MAF: variants seen among roughly 807,000 people sequenced by gnomAD.
MAF encodes transcription factor Maf.
MAF carries 10 observed loss-of-function variants against 22.0 expected under a neutral mutation model. The observed-to-expected ratio is 0.45, with a 90% CI of 0.28 to 0.77. MAF has a LOEUF of 0.77. Among genes scored for constraint, MAF ranks in the 30% least tolerant of loss-of-function variants. The pLI is 0.12. For synonymous variants in MAF, 337 were observed against 255.8 expected (o/e 1.32, Z -3.03); for missense variants, 544 against 548.4 (o/e 0.99, Z 0.08).
the MAF span, among the ~76,000 whole-genome samples, chr16:79,512,429 G>A: frequency 4.4e-3 from 674 of 152,208 alleles, 7 homozygotes; most frequent in African/African-American, 0.015. Flanking sequence ...CTAGGCCAGC[G>A]GTGCAGTGGG....
chr16:79,587,270 T>C (rs1462493456), intron 1 of MAF, among the ~76,000 whole-genome samples: 2 of 152,192 alleles, frequency 1.3e-5, no homozygotes, highest in Admixed American at 1.3e-4. Flanking sequence ...GTATACATTT[T>C]TTTTTGCCAA....
At chr16:79,500,837 A>G in the MAF span, among the ~76,000 whole-genome samples, 237 of 152,286 alleles carry the variant, frequency 1.6e-3, 1 homozygote, top group African/African-American at 5.1e-3. Flanking sequence ...GATGAGACAT[A>G]TAGCTAGACC....
the MAF span, among the ~76,000 whole-genome samples, chr16:79,392,641 G>A: frequency 6.6e-6 from 1 of 152,112 alleles, no homozygotes; most frequent in Non-Finnish European, 1.5e-5. Context: ...GTTTACTGAT[G>A]AGGTTTTACA....
the MAF span, among the ~76,000 whole-genome samples, chr16:79,447,132 T>G: frequency 1.3e-5 from 2 of 152,066 alleles, no homozygotes. Flanking sequence ...GGGGAGACTG[T>G]TAGGGGTTAA....
At chr16:79,236,607 T>C in the MAF span, among the ~76,000 whole-genome samples, 1 of 151,910 alleles carries the variant, frequency 6.6e-6, no homozygotes, top group African/African-American at 2.4e-5. Context: ...GCTCAGGAAA[T>C]ATTGTGAAGA....
the MAF span, among the ~76,000 whole-genome samples, chr16:79,253,823 A>G: frequency 6.6e-6 from 1 of 151,836 alleles, no homozygotes; most frequent in Non-Finnish European, 1.5e-5. Context: ...CGTTTTAGTT[A>G]TTTTGGATTT....
At chr16:79,316,219 T>G in the MAF span, among the ~76,000 whole-genome samples, 4 of 152,246 alleles carry the variant, frequency 2.6e-5, no homozygotes, top group East Asian at 7.7e-4. Context: ...ACTTTGAAGT[T>G]GCTGGTAACC....
chr16:79,594,615 G>T, intron 1 of MAF, 62 bp from the exon 2 acceptor site: 2 of 1,542,022 alleles, frequency 1.3e-6, no homozygotes, highest in Non-Finnish European at 1.7e-6. Context: ...CAGCGTAAAG[G>T]GGAAAGCTAG....
the MAF span, chr16:79,212,344 G>A: frequency 1.1e-5 from 7 of 651,340 alleles, no homozygotes; most frequent in Non-Finnish European, 1.3e-5. Flanking sequence ...CAGTGAGGAT[G>A]ACAGTGACAC....
At chr16:79,296,017 C>A in the MAF span, among the ~76,000 whole-genome samples, 1 of 152,310 alleles carries the variant, frequency 6.6e-6, no homozygotes, top group African/African-American at 2.4e-5. Flanking sequence ...GTGGGGCTGT[C>A]CCCCTCTGGC....
At chr16:79,209,822 G>A in the MAF span, among the ~76,000 whole-genome samples, 4 of 152,190 alleles carry the variant, frequency 2.6e-5, no homozygotes, top group Non-Finnish European at 5.9e-5. Flanking sequence ...AAGTTGTTTA[G>A]ATAAATGTGC....
At chr16:79,338,424 T>A in the MAF span, among the ~76,000 whole-genome samples, 8 of 152,212 alleles carry the variant, frequency 5.3e-5, no homozygotes, top group Non-Finnish European at 8.8e-5. Flanking sequence ...CTCTTTTCTA[T>A]CATTTTTAAA....
the MAF span, among the ~76,000 whole-genome samples, chr16:79,458,423 T>C: frequency 6.6e-6 from 1 of 152,194 alleles, no homozygotes; most frequent in Non-Finnish European, 1.5e-5. Flanking sequence ...AGAGTGTTTT[T>C]ATTTCATGAG....
chr16:79,371,396 T>A, the MAF span, among the ~76,000 whole-genome samples: 1 of 152,176 alleles, frequency 6.6e-6, no homozygotes, highest in African/African-American at 2.4e-5. Flanking sequence ...CACAGACGCC[T>A]CCTCTCAATG....
the MAF span, among the ~76,000 whole-genome samples, chr16:79,448,290 T>C: frequency 6.6e-6 from 1 of 151,886 alleles, no homozygotes; most frequent in Admixed American, 6.6e-5. Context: ...ACCACCACTA[T>C]GATAAGTCAG....
At chr16:79,385,279 C>A in the MAF span, among the ~76,000 whole-genome samples, 7 of 152,192 alleles carry the variant, frequency 4.6e-5, no homozygotes, top group African/African-American at 1.7e-4. Context: ...ATCAATTTAA[C>A]TTATAAAGGC....
the MAF span, among the ~76,000 whole-genome samples, chr16:79,370,555 G>C: frequency 6.6e-6 from 1 of 152,294 alleles, no homozygotes; most frequent in East Asian, 1.9e-4. Flanking sequence ...AACTGAAGTG[G>C]AACCAGTGTG....
At chr16:79,303,957 T>C in the MAF span, among the ~76,000 whole-genome samples, 1 of 152,308 alleles carries the variant, frequency 6.6e-6, no homozygotes, top group East Asian at 1.9e-4. Flanking sequence ...CTCAAAAGAC[T>C]CATTGCAAAA....
At chr16:79,409,522 G>A in the MAF span, among the ~76,000 whole-genome samples, 4 of 152,344 alleles carry the variant, frequency 2.6e-5, no homozygotes, top group East Asian at 1.9e-4. Flanking sequence ...ACAGGAGCCC[G>A]TGTCTTCACA....
Sources: allele counts gnomAD v4.1 joint callset (sites outside exome capture counted in the v4.1 genomes callset), GRCh38; gene constraint gnomAD v4.1.1; transcripts MANE v1.5; gene names NCBI Gene and HGNC (gene_info 2026-07-23, HGNC 2026-07-21).